KREMEN1: variants seen among roughly 807,000 people sequenced by gnomAD.
The protein encoded by KREMEN1 is kremen protein 1.
In KREMEN1, 30 loss-of-function variants were observed where a neutral mutation model predicts 46.5. The observed-to-expected ratio is 0.65, with a 90% CI of 0.48 to 0.88. The LOEUF (loss-of-function observed/expected upper bound fraction) is 0.88. Ranked by LOEUF, KREMEN1 falls within the 40% of genes least tolerant of loss-of-function variation. The pLI is 0.00. For missense variants in KREMEN1, 533 were observed against 596.9 expected, an observed-to-expected ratio of 0.89 and a Z score of 1.11; for synonymous variants, 214 against 230.6, an observed-to-expected ratio of 0.93 and a Z score of 0.65.
chr22:29,150,455 C>T (rs970529905), downstream of KREMEN1, among the ~76,000 whole-genome samples: 8 of 152,250 alleles, frequency 5.3e-5, no homozygotes, highest in African/African-American at 1.9e-4. Flanking sequence ...CCGGGAGAAA[C>T]ACCAAACACT....
downstream of KREMEN1, among the ~76,000 whole-genome samples, chr22:29,148,634 T>C (rs1384526686): frequency 1.3e-5 from 2 of 151,944 alleles, no homozygotes; most frequent in African/African-American, 4.8e-5. Context: ...TTTGTATTTT[T>C]AGTAGAGATG....
chr22:29,084,176 T>C (rs761760727), intron 1 of KREMEN1, among the ~76,000 whole-genome samples: 2 of 152,174 alleles, frequency 1.3e-5, no homozygotes, highest in Non-Finnish European at 2.9e-5. Context: ...TGTAATGAGC[T>C]GTGAGGATGA....
rs1312968208 is a variant in KREMEN1 at position 29,142,637 on chromosome 22, G to A, written c.*525G>A. On this transcript the variant is annotated 3_prime_UTR_variant, in exon 9 of 9. Coordinates refer to ENST00000400335, the MANE Select transcript of KREMEN1 (RefSeq NM_001039570.3). ...TACAAGTGCGGACTCCTGGACATTAGCGAGGTGTAAAGAGGGCAGTGTCTG... is the reference window on the plus strand; with the variant it reads ...TACAAGTGCGGACTCCTGGACATTAACGAGGTGTAAAGAGGGCAGTGTCTG... 2.0e-6 allele frequency: 2 copies of A among 985,446 alleles called. No homozygotes were observed. Among genetic ancestry groups the A allele is most frequent in the African/African-American group, 1.7e-5 (1 of 57,240 alleles). 61.0% of individuals were successfully genotyped at this position (985,446 alleles called of 1,614,324 possible). A position where few individuals can be genotyped will look rare whatever the true frequency, so the allele number is the denominator to read the frequency against.
Position 29,121,361 on chromosome 22 carries a change from T to C in KREMEN1, c.357T>C (p.Pro119=), listed in dbSNP as rs749752323. ...KYCEIPACQM[P]GNLGCYKDHG... is the part of the protein sequence containing the mutation. ...TTGTTTTTCTTTTTTCTTTAGTGCC[T>C]GGAAACCTTGGCTGCTACAAGGATC... The change falls in exon 4 of 9, where the codon CCT becomes CCC. Residue 119 remains proline (P), a synonymous_variant. Coordinates refer to ENST00000400335, the MANE Select transcript of KREMEN1 (RefSeq NM_001039570.3). The C allele has an allele frequency of 1.2e-6, 2 of 1,613,864 alleles. No individual in the cohort carries two copies. Among genetic ancestry groups the C allele is most frequent in the South Asian group, 2.2e-5 (2 of 91,064 alleles).
chr22:29,159,839 G>T (rs1448860906), intron 9 of KREMEN1, among the ~76,000 whole-genome samples: 2 of 152,124 alleles, frequency 1.3e-5, no homozygotes, highest in African/African-American at 2.4e-5. Context: ...GGGGACATCA[G>T]ATTAAAGCAA....
downstream of KREMEN1, among the ~76,000 whole-genome samples, chr22:29,150,224 G>T (rs6006031): frequency 7.9e-6 from 1 of 125,814 alleles, no homozygotes; most frequent in African/African-American, 2.9e-5. Flanking sequence ...CAACTGGTGG[G>T]GGGGGGGGCA....
intron 1 of KREMEN1, among the ~76,000 whole-genome samples, chr22:29,082,159 G>T (rs143674004): frequency 1.2e-3 from 182 of 152,178 alleles, no homozygotes; most frequent in African/African-American, 4.1e-3. Context: ...GTAGATTTGA[G>T]CTGGGTGCCT....
intron 1 of KREMEN1, among the ~76,000 whole-genome samples, chr22:29,080,722 G>A (rs569686323): frequency 1.3e-5 from 2 of 152,288 alleles, no homozygotes; most frequent in South Asian, 4.2e-4. Flanking sequence ...TCAACTGGAG[G>A]AGATTTTGCC....
At chr22:29,080,741 A>T (rs1213567382) in intron 1 of KREMEN1, among the ~76,000 whole-genome samples, 1 of 152,090 alleles carries the variant, frequency 6.6e-6, no homozygotes, top group Non-Finnish European at 1.5e-5. Context: ...CCCCCAGGGG[A>T]CATTTTGCAA....
Position 29,145,196 on chromosome 22 carries a change from A to C in KREMEN1, c.*3084A>C. ...TCCAGAAGAGATGACGTGGGCTTCC[A>C]GGAGCATGGAGGAGGTGGCACTTGA... is the stretch of plus-strand genomic sequence containing the variant. On this transcript the variant is annotated 3_prime_UTR_variant, in exon 9 of 9. Transcript: ENST00000400335. The C allele has an allele frequency of 3.0e-6, 3 of 985,746 alleles. No homozygotes were observed. The highest frequency in any genetic ancestry group is 3.6e-6 in the Non-Finnish European group (3 of 830,070). 61.1% of individuals were successfully genotyped at this position (985,746 alleles called of 1,614,324 possible).
In KREMEN1 at chr22:29,126,424, C is replaced by G. The variant is rs141703350; in HGVS notation, c.631+1008C>G. ...AGCCCTCCTCACTTCTGGTGGTTGTCGGCGATCCTTGGCATTTGTTGGCTG... is the reference window on the plus strand; with the variant it reads ...AGCCCTCCTCACTTCTGGTGGTTGTGGGCGATCCTTGGCATTTGTTGGCTG... On this transcript the variant is annotated intron_variant, in intron 5 of 8. Coordinates refer to ENST00000400335, the MANE Select transcript of KREMEN1 (RefSeq NM_001039570.3). Among the ~76,000 whole-genome samples, 1,364 of 152,232 alleles carry G rather than the reference C, an allele frequency of 9.0e-3. 15 individuals carry two copies. Among genetic ancestry groups the G allele is most frequent in the African/African-American group, 0.031 (1,301 of 41,536 alleles).
intron 1 of KREMEN1, among the ~76,000 whole-genome samples, chr22:29,087,689 C>G (rs1395694132): frequency 1.3e-5 from 2 of 152,092 alleles, no homozygotes; most frequent in African/African-American, 4.8e-5. Flanking sequence ...CCTCAACCTC[C>G]CAAGTAGCTG....
chr22:29,093,953 G>A (rs1024347694), intron 1 of KREMEN1, among the ~76,000 whole-genome samples: 11 of 152,176 alleles, frequency 7.2e-5, no homozygotes, highest in Non-Finnish European at 1.3e-4. Context: ...GGGGTTTCCT[G>A]GTTCACTTCA....
In KREMEN1 at chr22:29,140,010, TC is replaced by T. The variant is rs543671910; in HGVS notation, c.1124-269del. 9.0e-4 allele frequency among the ~76,000 whole-genome samples: 137 copies of T among 152,324 alleles called. 1 individual carries two copies. The highest frequency in any genetic ancestry group is 3.1e-3 in the African/African-American group (130 of 41,566). On this transcript the variant is annotated intron_variant, in intron 7 of 8. Transcript: ENST00000400335. ...AGTGGCAGAGACAAAATGCATGTCA[TC>T]CCTTTAGATTCTGAGTCCAATAGAC...
intron 3 of KREMEN1, 29 bp downstream of exon 3, chr22:29,098,982 T>A: frequency 6.5e-7 from 1 of 1,531,072 alleles, no homozygotes; most frequent in Non-Finnish European, 9.1e-7. Flanking sequence ...ATGTGATGGT[T>A]TACAGGACTG....
At chr22:29,159,254 C>A (rs1456497535) in intron 9 of KREMEN1, among the ~76,000 whole-genome samples, 2 of 151,916 alleles carry the variant, frequency 1.3e-5, no homozygotes, top group Non-Finnish European at 2.9e-5. Flanking sequence ...GCATGAGCCA[C>A]TGCACCCAGC....
intron 3 of KREMEN1, among the ~76,000 whole-genome samples, chr22:29,108,696 A>G (rs946447160): frequency 2.6e-5 from 4 of 152,164 alleles, no homozygotes; most frequent in Non-Finnish European, 2.9e-5. Flanking sequence ...TATCTAACTG[A>G]CCATGGGTCT....
chr22:29,166,089 A>G (rs1406544701), intron 9 of KREMEN1, among the ~76,000 whole-genome samples: 1 of 152,214 alleles, frequency 6.6e-6, no homozygotes, highest in Non-Finnish European at 1.5e-5. Flanking sequence ...ACATGCACAC[A>G]CAGGTACAAG....
intron 3 of KREMEN1, among the ~76,000 whole-genome samples, chr22:29,114,733 T>G (rs952630542): frequency 3.9e-5 from 6 of 152,118 alleles, no homozygotes; most frequent in Admixed American, 6.5e-5. Context: ...AAAAGACAAA[T>G]TAACTATTAA....
Sources: gnomAD v4.1 joint callset for allele counts (sites outside exome capture counted in the v4.1 genomes callset) on GRCh38, gnomAD v4.1.1 for gene constraint, MANE v1.5 for transcripts, NCBI Gene and HGNC (gene_info 2026-07-23, HGNC 2026-07-21) for gene names.